Variants in EPC2 observed in about 807,000 individuals in gnomAD.
The protein encoded by EPC2 is enhancer of polycomb 2.
EPC2 carries 14 observed loss-of-function variants against 92.1 expected under a neutral mutation model. The ratio of observed to expected loss-of-function variants is 0.15; its 90% CI spans 0.10 to 0.24. The LOEUF is 0.24. Among genes scored for constraint, EPC2 ranks in the 10% least tolerant of loss-of-function variants. The pLI is 1.00. For synonymous variants in EPC2, 340 were observed against 334.7 expected (o/e 1.02, Z -0.17); for missense variants, 755 against 971.5 (o/e 0.78, Z 2.96).
chr2:148,691,729 C>G, intron 2 of EPC2: 2 of 1,038,784 alleles, frequency 1.9e-6, no homozygotes, highest in South Asian at 1.4e-5. Context: ...TGCAGATCTG[C>G]TCAAGGTTCA....
chr2:148,659,129 G>A (rs1680883031), intron 1 of EPC2, among the ~76,000 whole-genome samples: 1 of 152,136 alleles, frequency 6.6e-6, no homozygotes, highest in Admixed American at 6.6e-5. Context: ...CGGATACTTT[G>A]TGGATTAAGG....
chr2:148,645,090 A>C lies in EPC2; in HGVS notation c.73A>C (p.Met25Leu). The C allele has an allele frequency of 6.9e-6, 11 of 1,597,218 alleles. No homozygotes were observed. The highest frequency in any genetic ancestry group is 9.4e-6 in the Non-Finnish European group (11 of 1,171,268). The stretch of plus-strand genomic sequence containing the variant: ...GCTGCCTATCTACCGCGGCAAGGAC[A>C]TGCCTGATCTCAACGACTGCGTCTC... Reference protein sequence around the residue: ...KPLPIYRGKDMPDLNDCVSIN... With the variant: ...KPLPIYRGKDLPDLNDCVSIN... The change falls in exon 1 of 14, where the codon ATG becomes CTG. Residue 25 changes from methionine to leucine, a missense_variant. Around this residue, in one of 4 missense-constraint regions of EPC2, gnomAD observed 36 missense variants for 84.0 expected, o/e 0.43. Transcript: ENST00000258484.
At chr2:148,712,042 G>A (rs1682154556) in intron 2 of EPC2, among the ~76,000 whole-genome samples, 1 of 152,146 alleles carries the variant, frequency 6.6e-6, no homozygotes, top group Non-Finnish European at 1.5e-5. Context: ...TTCAGTTGGT[G>A]TATTTAGACC....
At chr2:148,673,313 A>G (rs958250109) in intron 1 of EPC2, among the ~76,000 whole-genome samples, 2 of 152,138 alleles carry the variant, frequency 1.3e-5, no homozygotes, top group Admixed American at 6.5e-5. Context: ...TTAAGCTCCT[A>G]TAATGTGTAT....
At chr2:148,762,933 G>A (rs1683330595) in intron 6 of EPC2, 131 bp downstream of exon 6, 1 of 929,492 alleles carries the variant, frequency 1.1e-6, no homozygotes, top group Non-Finnish European at 1.5e-6. Flanking sequence ...CTTACCATGA[G>A]CCAAGCACTT....
At chr2:148,673,563 T>C (rs1411599715) in intron 1 of EPC2, among the ~76,000 whole-genome samples, 1 of 152,186 alleles carries the variant, frequency 6.6e-6, no homozygotes, top group East Asian at 1.9e-4. Context: ...TTTATTTTCA[T>C]TTTATACATT....
intron 1 of EPC2, among the ~76,000 whole-genome samples, chr2:148,666,464 A>T (rs1039120550): frequency 5.3e-5 from 8 of 152,224 alleles, no homozygotes; most frequent in East Asian, 1.9e-4. Flanking sequence ...TTTAAAAAAA[A>T]TTTTTAATTT....
At chr2:148,766,006 AG>A (rs1683401550) in intron 7 of EPC2, among the ~76,000 whole-genome samples, 1 of 152,240 alleles carries the variant, frequency 6.6e-6, no homozygotes, top group Non-Finnish European at 1.5e-5. Context: ...ACTGCACTCC[AG>A]CCTGGGCGAC....
chr2:148,695,035 C>T (rs1318763439), intron 2 of EPC2, among the ~76,000 whole-genome samples: 1 of 152,190 alleles, frequency 6.6e-6, no homozygotes, highest in Non-Finnish European at 1.5e-5. Flanking sequence ...ACCTTGGCCT[C>T]CTAAAGTGTT....
At chr2:148,679,793 G>A (rs1409810508) in intron 1 of EPC2, among the ~76,000 whole-genome samples, 1 of 152,056 alleles carries the variant, frequency 6.6e-6, no homozygotes, top group Non-Finnish European at 1.5e-5. Context: ...CCACTGATGT[G>A]AGCCACCACA....
chr2:148,702,978 C>T (rs1032019201), intron 2 of EPC2, among the ~76,000 whole-genome samples: 1 of 152,170 alleles, frequency 6.6e-6, no homozygotes, highest in African/African-American at 2.4e-5. Flanking sequence ...TTGAAGTCTT[C>T]CCACTGTATC....
At chr2:148,747,309 C>CTT (rs1441575900) in intron 3 of EPC2, among the ~76,000 whole-genome samples, 1 of 152,058 alleles carries the variant, frequency 6.6e-6, no homozygotes, top group African/African-American at 2.4e-5. Flanking sequence ...TCCATACTAC[C>CTT]TTTTACTCCT....
intron 3 of EPC2, among the ~76,000 whole-genome samples, chr2:148,750,156 A>G (rs1037847891): frequency 1.3e-5 from 2 of 152,004 alleles, no homozygotes; most frequent in African/African-American, 2.4e-5. Flanking sequence ...TTGTGGTTCA[A>G]TGTGGGTTGA....
At chr2:148,727,070 A>G (rs1048984655) in intron 2 of EPC2, among the ~76,000 whole-genome samples, 12 of 152,032 alleles carry the variant, frequency 7.9e-5, no homozygotes, top group Middle Eastern at 3.2e-3. Flanking sequence ...TGTGTCTTAC[A>G]TTTAGGTATT....
rs1190197476 is a variant in EPC2, at chr2:148,765,059, A to G, written c.1053A>G (p.Gln351=). The G allele has an allele frequency of 6.2e-7, 1 of 1,610,120 alleles. No homozygotes were observed. Among genetic ancestry groups the G allele is most frequent in the Non-Finnish European group, 8.5e-7 (1 of 1,177,598 alleles). The change falls in exon 7 of 14, where the codon CAA becomes CAG. Residue 351 remains glutamine, a synonymous_variant. Coordinates refer to ENST00000258484, the MANE Select transcript of EPC2 (RefSeq NM_015630.4). Reference sequence around the variant, plus strand: ...CAGAGGCTTTGATAACATCTCAGCAACCCACTCCTGAGACATTGCCTGTGA... The same window carrying G: ...CAGAGGCTTTGATAACATCTCAGCAGCCCACTCCTGAGACATTGCCTGTGA... ...PKAEALITSQ[Q]PTPETLPVIN... is the part of the protein sequence containing the mutation.
intron 1 of EPC2, among the ~76,000 whole-genome samples, chr2:148,650,531 T>C (rs569514004): frequency 6.6e-6 from 1 of 152,242 alleles, no homozygotes; most frequent in South Asian, 2.1e-4. Flanking sequence ...TACCAGAATG[T>C]ACCAGTCTAC....
At chr2:148,648,478 CTTATTT>C (rs1683851036) in intron 1 of EPC2, among the ~76,000 whole-genome samples, 2 of 152,120 alleles carry the variant, frequency 1.3e-5, no homozygotes, top group Non-Finnish European at 1.5e-5. Flanking sequence ...TCCTTAACTC[CTTATTT>C]TTATAAGATT....
At chr2:148,697,064 C>G (rs914515867) in intron 2 of EPC2, among the ~76,000 whole-genome samples, 1 of 152,134 alleles carries the variant, frequency 6.6e-6, no homozygotes, top group Non-Finnish European at 1.5e-5. Context: ...CTCAAAGGAG[C>G]CTTCTGGACA....
chr2:148,769,035 T>C (rs776475648), intron 7 of EPC2, 116 bp from the exon 8 acceptor site: 179 of 704,062 alleles, frequency 2.5e-4, no homozygotes, highest in Non-Finnish European at 3.6e-4. Context: ...TCAGTACTTA[T>C]GATATGTAAT....
Sources: gnomAD v4.1 joint callset for allele counts (sites outside exome capture counted in the v4.1 genomes callset) on GRCh38, gnomAD v4.1.1 for gene constraint, gnomAD v4.1.1 regional missense constraint, MANE v1.5 for transcripts, NCBI Gene and HGNC (gene_info 2026-07-23, HGNC 2026-07-21) for gene names.